The following NPLOC4 variants were observed in gnomAD, a reference collection of about 807,000 sequenced individuals.
NPLOC4 encodes the protein nuclear protein localization protein 4 homolog.
In NPLOC4, 18 loss-of-function variants were observed where a neutral mutation model predicts 80.6. That is an observed-to-expected ratio of 0.22 (90% confidence interval 0.15 to 0.33). The LOEUF (loss-of-function observed/expected upper bound fraction) is 0.33. Ranked by LOEUF, NPLOC4 falls within the 10% of genes least tolerant of loss-of-function variation. The pLI is 1.00. For missense variants in NPLOC4, 540 were observed against 786.1 expected (o/e 0.69, Z 3.74); for synonymous variants, 313 against 301.5 (o/e 1.04, Z -0.39).
At chr17:81,598,978 A>G (rs1227888306) in intron 9 of NPLOC4, among the ~76,000 whole-genome samples, 1 of 152,234 alleles carries the variant, frequency 6.6e-6, no homozygotes, top group Non-Finnish European at 1.5e-5. Flanking sequence ...CAAACTGAGA[A>G]AAATTAGGGC....
At chr17:81,618,893 C>A (rs2035584856) in intron 3 of NPLOC4, among the ~76,000 whole-genome samples, 2 of 152,184 alleles carry the variant, frequency 1.3e-5, no homozygotes, top group South Asian at 4.1e-4. Context: ...TCCTGTTGAT[C>A]TATGACCTTA....
chr17:81,622,067 T>C (rs912590821), intron 3 of NPLOC4, 99 bp downstream of exon 3: 8 of 795,858 alleles, frequency 1.0e-5, no homozygotes, highest in Admixed American at 2.0e-5. Context: ...CCATAATGAG[T>C]GGTGTGATGA....
chr17:81,629,839 G>T, intron 1 of NPLOC4, 34 bp from the exon 2 acceptor site: 1 of 1,476,144 alleles, frequency 6.8e-7, no homozygotes, highest in Non-Finnish European at 9.5e-7. Context: ...TTACTGCACA[G>T]CCTAGTGAGG....
At position 81,600,246 on chromosome 17, in the gene NPLOC4, C is replaced by G. The variant is rs538914141; in HGVS notation, c.921+95G>C. The stretch of plus-strand genomic sequence containing the variant: ...TTGTGCAGCCGGAGAGAGCCAGTAC[C>G]CGACACAGCCCGGCCACTCTCCCAA... On this transcript the variant is annotated intron_variant, in intron 9 of 16. Coordinates refer to ENST00000331134, the MANE Select transcript of NPLOC4 (RefSeq NM_017921.4). The G allele has an allele frequency of 2.6e-4, 220 of 832,682 alleles. No individual in the cohort carries two copies. In the African/African-American group the frequency reaches 2.8e-3, roughly 11 times the overall value. The allele number at this position is 832,682 out of a possible 1,614,324, so 51.6% of individuals were successfully genotyped here.
At position 81,597,407 on chromosome 17, in the gene NPLOC4, T is replaced by C. The variant is rs1248876613; in HGVS notation, c.922-91A>G. On this transcript the variant is annotated intron_variant, in intron 9 of 16. Coordinates refer to ENST00000331134, the MANE Select transcript of NPLOC4 (RefSeq NM_017921.4). ...GACTCACGCCTATAATCACAGCACT[T>C]TGAGAGGCCGAGGCAGGAGAATCAC... 21 of 972,328 alleles carry C rather than the reference T, an allele frequency of 2.2e-5. No homozygotes were observed. The East Asian group carries it at 4.9e-4, about 22-fold the overall frequency. 60.2% of individuals were successfully genotyped at this position (972,328 alleles called of 1,614,324 possible).
chr17:81,628,168 G>A (rs1265491734), intron 2 of NPLOC4, among the ~76,000 whole-genome samples: 12 of 151,226 alleles, frequency 7.9e-5, no homozygotes, highest in Non-Finnish European at 5.9e-5. Flanking sequence ...CCAAGATCAT[G>A]CCACTGCATT....
intron 15 of NPLOC4, among the ~76,000 whole-genome samples, chr17:81,565,976 TTCTCC>T (rs2034000153): frequency 1.3e-5 from 2 of 152,298 alleles, no homozygotes; most frequent in Middle Eastern, 3.4e-3. Flanking sequence ...CTCTGCCTCT[TTCTCC>T]TCTCGTGTCT....
chr17:81,580,121 T>G lies in NPLOC4; in HGVS notation c.1282-8033A>C, dbSNP rs1252780967. On this transcript the variant is annotated intron_variant, in intron 12 of 16. Coordinates refer to ENST00000331134, the MANE Select transcript of NPLOC4 (RefSeq NM_017921.4). This position sits in a 1 kb window ranked among gnomAD's most constrained non-coding sequence, Gnocchi z 4.4. ...CCACCTCATTCCCCCAAGGTGGGGT[T>G]CTCCTCAGCCATCCCCTCCAGGATG... 6.6e-6 allele frequency among the ~76,000 whole-genome samples: 1 copy of G among 151,962 alleles called. No individual in the cohort carries two copies.
intron 16 of NPLOC4, chr17:81,563,526 CT>C (rs2033915177): frequency 1.0e-5 from 2 of 193,764 alleles, no homozygotes; most frequent in Non-Finnish European, 2.1e-5. Context: ...GCTATGATCA[CT>C]CCACTGCACT....
At chr17:81,595,974 AAAAG>A (rs768415045) in intron 11 of NPLOC4, 138 bp downstream of exon 11, 6 of 811,166 alleles carry the variant, frequency 7.4e-6, no homozygotes, top group Non-Finnish European at 7.5e-6. Flanking sequence ...TTTTACCATA[AAAAG>A]AAAGGAGGAA....
At chr17:81,602,860 C>A (rs185411093) in intron 8 of NPLOC4, among the ~76,000 whole-genome samples, 1 of 151,342 alleles carries the variant, frequency 6.6e-6, no homozygotes, top group Non-Finnish European at 1.5e-5. Flanking sequence ...GGTAACATGG[C>A]GAGATCTGTC....
At chr17:81,603,014 C>CATAT (rs35879038) in intron 8 of NPLOC4, among the ~76,000 whole-genome samples, 1 of 140,982 alleles carries the variant, frequency 7.1e-6, no homozygotes, top group Non-Finnish European at 1.5e-5. Flanking sequence ...CACACACACA[C>CATAT]ATATAAAAGT....
intron 4 of NPLOC4, among the ~76,000 whole-genome samples, chr17:81,612,209 C>T (rs146448567): frequency 2.4e-3 from 370 of 152,218 alleles, no homozygotes; most frequent in Non-Finnish European, 3.5e-3. Context: ...AGGGCGCCGG[C>T]GGCCGTCCCT....
intron 9 of NPLOC4, among the ~76,000 whole-genome samples, chr17:81,598,890 G>GA (rs1395710459): frequency 1.3e-5 from 2 of 152,162 alleles, no homozygotes; most frequent in Non-Finnish European, 2.9e-5. Context: ...CCCAATGAAT[G>GA]AAAAACCCAA....
chr17:81,610,958 CAA>C (rs1243703301), intron 4 of NPLOC4, among the ~76,000 whole-genome samples: 4 of 15,992 alleles, frequency 2.5e-4, no homozygotes, highest in African/African-American at 6.8e-4. Flanking sequence ...GACTCCGTCT[CAA>C]AAAAAAAAAA....
intron 3 of NPLOC4, among the ~76,000 whole-genome samples, chr17:81,613,945 G>C (rs562765574): frequency 6.6e-6 from 1 of 151,934 alleles, no homozygotes; most frequent in African/African-American, 2.4e-5. Context: ...ACATACACAC[G>C]TAAGCACAGA....
At chr17:81,613,222 G>T in intron 4 of NPLOC4, 96 bp downstream of exon 4, 1 of 1,059,010 alleles carries the variant, frequency 9.4e-7, no homozygotes, top group Non-Finnish European at 1.3e-6. Context: ...TTCTTCATCA[G>T]ATACTTATTA....
intron 12 of NPLOC4, among the ~76,000 whole-genome samples, chr17:81,585,170 CAA>C (rs35473939): frequency 5.6e-4 from 23 of 40,862 alleles, no homozygotes; most frequent in East Asian, 3.2e-3. Context: ...ACTCTGTCGC[CAA>C]AAAAAAAAAA....
intron 16 of NPLOC4, among the ~76,000 whole-genome samples, chr17:81,561,558 C>A (rs2033850558): frequency 6.6e-6 from 1 of 152,146 alleles, no homozygotes; most frequent in African/African-American, 2.4e-5. Flanking sequence ...TACCCCAAGG[C>A]CCTGAAGAGA....
Sources: allele counts gnomAD v4.1 joint callset (sites outside exome capture counted in the v4.1 genomes callset), GRCh38; gene constraint gnomAD v4.1.1; non-coding constraint Gnocchi (gnomAD v3.1); transcripts MANE v1.5; gene names NCBI Gene and HGNC (gene_info 2026-07-23, HGNC 2026-07-21).